RALGAPA2: variants seen among roughly 807,000 people sequenced by gnomAD.
RALGAPA2 encodes ral GTPase-activating protein subunit alpha-2.
Under a neutral mutation model 230.4 loss-of-function variants are expected in RALGAPA2, and 139 were observed. That is an observed-to-expected ratio of 0.60 (90% CI 0.53 to 0.69). The LOEUF (loss-of-function observed/expected upper bound fraction) is 0.69. Among genes scored for constraint, RALGAPA2 ranks in the 30% least tolerant of loss-of-function variants. RALGAPA2 has a pLI of 0.00. For missense variants in RALGAPA2, 2,163 were observed against 2,276.0 expected (o/e 0.95, Z 1.01); for synonymous variants, 847 against 837.8 (o/e 1.01, Z -0.19).
In RALGAPA2 at chr20:20,712,475, G is replaced by A. The variant is rs1340443702; in HGVS notation, c.6C>T (p.Phe2=). 6 of 1,547,610 alleles carry A rather than the reference G, an allele frequency of 3.9e-6. No individual in the cohort carries two copies. The highest frequency in any genetic ancestry group is 5.2e-6 in the Non-Finnish European group (6 of 1,145,594). M[F]SRRSHGDVKK... ...TCACATCCCCGTGGCTCCTTCGGGA[G>A]AACATCCCGCGGCAGGAAGCCCGGG... Residue 2 remains phenylalanine, a synonymous_variant, in exon 1 of 40, where the codon TTC becomes TTT. Coordinates refer to ENST00000202677, the MANE Select transcript of RALGAPA2 (RefSeq NM_020343.4). The surrounding 1 kb of genome is among the most constrained non-coding windows in gnomAD (Gnocchi z 5.5).
At chr20:20,503,045 G>A (rs1411332428) in intron 35 of RALGAPA2, among the ~76,000 whole-genome samples, 1 of 152,124 alleles carries the variant, frequency 6.6e-6, no homozygotes, top group African/African-American at 2.4e-5. Flanking sequence ...CTGCCAAATC[G>A]CCCCGCAGCA....
chr20:20,458,840 C>G (rs1000247563), intron 37 of RALGAPA2, among the ~76,000 whole-genome samples: 1 of 38,972 alleles, frequency 2.6e-5, no homozygotes, highest in Non-Finnish European at 6.3e-5. Flanking sequence ...ATATATAGAC[C>G]TATATATATA....
At chr20:20,626,580 T>A (rs1870298265) in intron 10 of RALGAPA2, among the ~76,000 whole-genome samples, 1 of 152,242 alleles carries the variant, frequency 6.6e-6, no homozygotes. Context: ...CAATAACAGA[T>A]ACAGTCAGAA....
chr20:20,521,123 C>T (rs999348058), intron 30 of RALGAPA2, 23 bp from the exon 31 acceptor site: 18 of 1,566,588 alleles, frequency 1.1e-5, no homozygotes, highest in East Asian at 2.3e-5. Context: ...AGGCCATGTG[C>T]ACCACGGATG....
intron 3 of RALGAPA2, among the ~76,000 whole-genome samples, chr20:20,670,085 ACT>A (rs1342825167): frequency 6.6e-6 from 1 of 152,038 alleles, no homozygotes; most frequent in Non-Finnish European, 1.5e-5. Flanking sequence ...TTACCAGTAG[ACT>A]CTTCCGCTCA....
chr20:20,499,048 G>A (rs1196126011), intron 35 of RALGAPA2, among the ~76,000 whole-genome samples: 3 of 152,226 alleles, frequency 2.0e-5, no homozygotes, highest in African/African-American at 7.2e-5. Flanking sequence ...AAGAGAGCAT[G>A]AATCACTTTA....
intron 4 of RALGAPA2, among the ~76,000 whole-genome samples, chr20:20,648,584 T>C (rs1358663913): frequency 6.6e-6 from 1 of 152,000 alleles, no homozygotes; most frequent in Admixed American, 6.6e-5. Flanking sequence ...TGGAAGTGAT[T>C]GGGTCAAAGA....
chr20:20,486,870 G>T (rs373927738), intron 36 of RALGAPA2, among the ~76,000 whole-genome samples: 1 of 152,008 alleles, frequency 6.6e-6, no homozygotes, highest in African/African-American at 2.4e-5. Context: ...GAGCCCATCC[G>T]GCATTCTTTG....
intron 36 of RALGAPA2, among the ~76,000 whole-genome samples, chr20:20,475,230 A>G (rs2061624857): frequency 6.6e-6 from 1 of 152,192 alleles, no homozygotes; most frequent in African/African-American, 2.4e-5. Context: ...ATAATGAAGG[A>G]GAGACTGTCT....
chr20:20,604,640 C>T (rs1470970483), intron 15 of RALGAPA2, among the ~76,000 whole-genome samples: 5 of 152,078 alleles, frequency 3.3e-5, no homozygotes, highest in Non-Finnish European at 7.4e-5. Flanking sequence ...TAGACCAACA[C>T]AAATTCGTAA....
chr20:20,696,777 C>A (rs2069128845), intron 1 of RALGAPA2, among the ~76,000 whole-genome samples: 1 of 152,170 alleles, frequency 6.6e-6, no homozygotes, highest in Admixed American at 6.5e-5. Flanking sequence ...GGTCTCAGTC[C>A]AAACCTCCCT....
intron 5 of RALGAPA2, among the ~76,000 whole-genome samples, chr20:20,641,355 A>G (rs1288192323): frequency 6.6e-6 from 1 of 152,218 alleles, no homozygotes; most frequent in African/African-American, 2.4e-5. Flanking sequence ...TGACAAAGAT[A>G]ATCTCCCTCC....
intron 37 of RALGAPA2, among the ~76,000 whole-genome samples, chr20:20,430,969 G>C (rs2060489551): frequency 6.6e-6 from 1 of 151,884 alleles, no homozygotes; most frequent in Admixed American, 6.6e-5. Flanking sequence ...TGATATGACA[G>C]GAATGACTTT....
At chr20:20,671,467 A>G (rs2068132824) in intron 3 of RALGAPA2, among the ~76,000 whole-genome samples, 1 of 152,232 alleles carries the variant, frequency 6.6e-6, no homozygotes, top group African/African-American at 2.4e-5. Flanking sequence ...AAACCCTTAT[A>G]AACTATCTCT....
chr20:20,453,805 A>G (rs943481898), intron 37 of RALGAPA2, among the ~76,000 whole-genome samples: 7 of 152,234 alleles, frequency 4.6e-5, no homozygotes, highest in Admixed American at 3.3e-4. Context: ...CATACAGGAA[A>G]TGGCCGATGG....
chr20:20,670,968 A>C (rs867980569), intron 3 of RALGAPA2, among the ~76,000 whole-genome samples: 2 of 151,800 alleles, frequency 1.3e-5, no homozygotes, highest in African/African-American at 4.8e-5. Context: ...AAAAAAAAAA[A>C]AATATGATAA....
At chr20:20,441,799 T>C (rs1225722803) in intron 37 of RALGAPA2, among the ~76,000 whole-genome samples, 1 of 152,242 alleles carries the variant, frequency 6.6e-6, no homozygotes, top group Non-Finnish European at 1.5e-5. Flanking sequence ...GAGATCATTT[T>C]AAAACAGGAT....
Position 20,512,525 on chromosome 20 carries a change from G to C in RALGAPA2, c.4844C>G (p.Ser1615Cys). The change falls in exon 32 of 40, where the codon TCT becomes TGT. Residue 1615 changes from serine to cysteine, a missense_variant. Coordinates refer to ENST00000202677, the MANE Select transcript of RALGAPA2 (RefSeq NM_020343.4). ...RLLLDDLGMNSWDRRKNFHLL... is the reference protein window; with the variant it reads ...RLLLDDLGMNCWDRRKNFHLL... ...CTTGGATTGTTACCTTCTGTCCCAAGAATTCATTCCCAAGTCATCAAGCAA... is the reference window on the plus strand; with the variant it reads ...CTTGGATTGTTACCTTCTGTCCCAACAATTCATTCCCAAGTCATCAAGCAA... 6.2e-7 allele frequency: 1 copy of C among 1,601,880 alleles called. No homozygotes were observed. Among genetic ancestry groups the C allele is most frequent in the East Asian group, 2.2e-5 (1 of 44,794 alleles).
At chr20:20,394,083 C>T (rs915715986) in intron 39 of RALGAPA2, among the ~76,000 whole-genome samples, 7 of 152,212 alleles carry the variant, frequency 4.6e-5, no homozygotes, top group Admixed American at 1.3e-4. Context: ...TTCCTCCCTG[C>T]GTGATTCACT....
Sources: gnomAD v4.1 joint callset for allele counts (sites outside exome capture counted in the v4.1 genomes callset) on GRCh38, gnomAD v4.1.1 for gene constraint, Gnocchi (gnomAD v3.1) non-coding constraint, MANE v1.5 for transcripts, NCBI Gene and HGNC (gene_info 2026-07-23, HGNC 2026-07-21) for gene names.